Variants in MPPED1 observed in about 807,000 individuals in gnomAD.
The protein encoded by MPPED1 is metallophosphoesterase domain containing 1.
Under a neutral mutation model 36.2 loss-of-function variants are expected in MPPED1, and 16 were observed. The observed-to-expected ratio is 0.44, with a 90% CI of 0.30 to 0.67. The LOEUF is 0.67. Among genes scored for constraint, MPPED1 ranks in the 30% least tolerant of loss-of-function variants. The pLI is 0.10. For synonymous variants in MPPED1, 199 were observed against 191.3 expected, an observed-to-expected ratio of 1.04 and a Z score of -0.33; for missense variants, 307 against 453.4, an observed-to-expected ratio of 0.68 and a Z score of 2.93.
At chr22:43,497,527 C>T (rs1277719132) in intron 4 of MPPED1, among the ~76,000 whole-genome samples, 2 of 152,030 alleles carry the variant, frequency 1.3e-5, no homozygotes, top group African/African-American at 2.4e-5. Flanking sequence ...AAGAGACTGC[C>T]TGCAATTGGA....
intron 3 of MPPED1, among the ~76,000 whole-genome samples, chr22:43,460,899 C>G (rs1440512259): frequency 6.6e-6 from 1 of 152,164 alleles, no homozygotes; most frequent in Non-Finnish European, 1.5e-5. Context: ...CCTGTGGATG[C>G]CTCATTCTCC....
chr22:43,468,707 G>A (rs1049485153), intron 3 of MPPED1, among the ~76,000 whole-genome samples: 5 of 152,106 alleles, frequency 3.3e-5, no homozygotes, highest in African/African-American at 4.8e-5. Context: ...GCGGAGCCTC[G>A]CCAGGGTCTG....
chr22:43,423,205 A>T (rs1354856867), intron 1 of MPPED1, among the ~76,000 whole-genome samples: 1 of 152,230 alleles, frequency 6.6e-6, no homozygotes, highest in Admixed American at 6.5e-5. Context: ...AAGGTCACAC[A>T]GCAAGTCAGC....
chr22:43,422,992 G>A lies in MPPED1; in HGVS notation c.-78-1916G>A, dbSNP rs118038349. On this transcript the variant is annotated intron_variant, in intron 1 of 6. Transcript: ENST00000443721. ...GCTGGGATTACAGGTGTGCACCACA[G>A]TGCCCGGCTAATTTTTGTGTTTTTA... is the stretch of plus-strand genomic sequence containing the variant. Among the ~76,000 whole-genome samples the A allele has an allele frequency of 7.5e-3, 1,144 of 152,186 alleles. 9 individuals are homozygous for A. The highest frequency in any genetic ancestry group is 0.012 in the Non-Finnish European group (796 of 68,006).
chr22:43,446,536 G>T (rs1227620691), intron 3 of MPPED1, among the ~76,000 whole-genome samples: 1 of 152,216 alleles, frequency 6.6e-6, no homozygotes, highest in Non-Finnish European at 1.5e-5. Context: ...TGAGTTGGGG[G>T]TGTTGACGGC....
At chr22:43,436,976 G>C (rs1301701345) in intron 3 of MPPED1, among the ~76,000 whole-genome samples, 1 of 152,190 alleles carries the variant, frequency 6.6e-6, no homozygotes, top group African/African-American at 2.4e-5. Flanking sequence ...ACTTGTAAAG[G>C]GGTCTTCCTT....
Position 43,436,858 on chromosome 22 carries a change from C to T in MPPED1, c.406+1643C>T, listed in dbSNP as rs561598961. On this transcript the variant is annotated intron_variant, in intron 3 of 6. Coordinates refer to ENST00000443721, the MANE Select transcript of MPPED1 (RefSeq NM_001044370.2). ...AGCTACTTGAGGTGGCTACCATTTG[C>T]GTCCCTATTTGACAGAGGAGAATGG... 2.6e-5 allele frequency among the ~76,000 whole-genome samples: 4 copies of T among 152,362 alleles called. 1 individual carries two copies. The South Asian group carries it at 8.3e-4, about 32-fold the overall frequency.
intron 4 of MPPED1, among the ~76,000 whole-genome samples, chr22:43,495,510 T>TGGTGGTGGTGGA (rs1218090458): frequency 1.0e-5 from 1 of 96,068 alleles, no homozygotes; most frequent in Non-Finnish European, 2.2e-5. Context: ...GTGGAGGTGG[T>TGGTGGTGGTGGA]GGTGGTGGTG....
At position 43,420,069 on chromosome 22, in the gene MPPED1, C is replaced by A. The variant is rs143600181; in HGVS notation, c.-78-4839C>A. Among the ~76,000 whole-genome samples the A allele has an allele frequency of 5.3e-5, 8 of 152,222 alleles. 1 individual carries two copies. Among genetic ancestry groups the A allele is most frequent in the Admixed American group, 4.6e-4 (7 of 15,302 alleles). On this transcript the variant is annotated intron_variant, in intron 1 of 6. Coordinates refer to ENST00000443721, the MANE Select transcript of MPPED1 (RefSeq NM_001044370.2). Reference sequence around the variant, plus strand: ...AGTCTCCCACTCTGGGTTCACTGGGCCTTTATGGGCAGGTACAAGGTTTGT... The same window carrying A: ...AGTCTCCCACTCTGGGTTCACTGGGACTTTATGGGCAGGTACAAGGTTTGT...
At chr22:43,446,069 C>T (rs1399678442) in intron 3 of MPPED1, among the ~76,000 whole-genome samples, 1 of 151,024 alleles carries the variant, frequency 6.6e-6, no homozygotes, top group African/African-American at 2.4e-5. Flanking sequence ...CGGGGTTTCA[C>T]CATGTTGCCC....
chr22:43,420,033 C>T (rs867361051), intron 1 of MPPED1, among the ~76,000 whole-genome samples: 3 of 152,186 alleles, frequency 2.0e-5, no homozygotes, highest in South Asian at 4.2e-4. Context: ...TGCTGGGCTG[C>T]GGGGACCTGG....
rs1931047987 is a variant in MPPED1, at chr22:43,463,817, T to TTCTTTTTTTCTTTCTTTCTTTC, written c.407-10914_407-10913insTTTTCTTTCTTTCTTTCTCTTT. On this transcript the variant is annotated intron_variant, in intron 3 of 6. Coordinates refer to ENST00000443721, the MANE Select transcript of MPPED1 (RefSeq NM_001044370.2). ...ATTTTTCATTTTTTCTTTTCTTTCT[T>TTCTTTTTTTCTTTCTTTCTTTC]TCTTTCTTTCTTTCTTTCTTTCTTT... 2.6e-5 allele frequency among the ~76,000 whole-genome samples: 2 copies of TTCTTTTTTTCTTTCTTTCTTTC among 77,814 alleles called. 1 individual carries two copies. The highest frequency in any genetic ancestry group is 5.5e-5 in the Non-Finnish European group (2 of 36,076). 51.0% of individuals were successfully genotyped at this position (77,814 alleles called of 152,430 possible).
chr22:43,414,331 ATCTC>A (rs1392511334), intron 1 of MPPED1, among the ~76,000 whole-genome samples: 2 of 151,920 alleles, frequency 1.3e-5, no homozygotes, highest in African/African-American at 2.4e-5. Flanking sequence ...TACAGGACAC[ATCTC>A]TCTCTGCTTG....
intron 3 of MPPED1, among the ~76,000 whole-genome samples, chr22:43,461,990 C>T (rs1259571903): frequency 6.6e-6 from 1 of 152,196 alleles, no homozygotes; most frequent in East Asian, 1.9e-4. Context: ...GCTGCCTGAT[C>T]TGCCCAGGTG....
At chr22:43,454,894 G>T (rs1207321603) in intron 3 of MPPED1, among the ~76,000 whole-genome samples, 1 of 152,122 alleles carries the variant, frequency 6.6e-6, no homozygotes, top group Non-Finnish European at 1.5e-5. Flanking sequence ...TGCATCTTCT[G>T]CATTGATACT....
rs376295067 is a variant in MPPED1 at position 43,500,193 on chromosome 22, G to A, written c.748+1843G>A. Among the ~76,000 whole-genome samples the A allele has an allele frequency of 8.5e-5, 6 of 70,436 alleles. 1 individual carries two copies. Among genetic ancestry groups the A allele is most frequent in the East Asian group, 8.2e-4 (2 of 2,442 alleles). The allele number at this position is 70,436 out of a possible 152,430, so 46.2% of individuals were successfully genotyped here. A position where few individuals can be genotyped will look rare whatever the true frequency, so the allele number is the denominator to read the frequency against. On this transcript the variant is annotated intron_variant, in intron 5 of 6. Coordinates refer to ENST00000443721, the MANE Select transcript of MPPED1 (RefSeq NM_001044370.2). ...GATGGAGGTGGTGGTGATGGTGATG[G>A]AGGTGGTAATGGAGGTGGTGGGGGT... is the stretch of plus-strand genomic sequence containing the variant.
intron 1 of MPPED1, among the ~76,000 whole-genome samples, chr22:43,424,069 T>C (rs544505595): frequency 3.9e-4 from 60 of 152,268 alleles, no homozygotes; most frequent in African/African-American, 1.3e-3. Context: ...GTTGGAGGGA[T>C]ATTTAAGTCC....
chr22:43,495,391 A>AGTGATGGAGGTG (rs1341931787), intron 4 of MPPED1, among the ~76,000 whole-genome samples: 60 of 25,944 alleles, frequency 2.3e-3, no homozygotes, highest in Non-Finnish European at 3.6e-3. Flanking sequence ...TGGTGGTGGT[A>AGTGATGGAGGTG]GTGATGGAGG....
chr22:43,500,371 GGGTGGT>G (rs1932683593), intron 5 of MPPED1, among the ~76,000 whole-genome samples: 1 of 119,542 alleles, frequency 8.4e-6, no homozygotes, highest in African/African-American at 3.5e-5. Flanking sequence ...GTGGTGATGG[GGGTGGT>G]GGTGGTGATG....
Sources: gnomAD v4.1 joint callset for allele counts (sites outside exome capture counted in the v4.1 genomes callset) on GRCh38, gnomAD v4.1.1 for gene constraint, MANE v1.5 for transcripts, NCBI Gene and HGNC (gene_info 2026-07-23, HGNC 2026-07-21) for gene names.